The following CDK14 variants were observed in gnomAD, a reference collection of about 807,000 sequenced individuals.
The protein encoded by CDK14 is cyclin-dependent kinase 14.
CDK14 carries 34 observed loss-of-function variants against 60.7 expected under a neutral mutation model. The ratio of observed to expected loss-of-function variants is 0.56; its 90% CI spans 0.43 to 0.75. CDK14 has a LOEUF of 0.75. CDK14 is among the 30% of genes least tolerant of loss of function. The probability of loss-of-function intolerance (pLI) is 0.00; values close to 1 mark genes in which losing one functional copy is unlikely to be tolerated. For synonymous variants in CDK14, 197 were observed against 203.7 expected (o/e 0.97, Z 0.28); for missense variants, 482 against 564.1 (o/e 0.85, Z 1.47).
intron 4 of CDK14, among the ~76,000 whole-genome samples, chr7:90,764,469 C>G (rs1804459878): frequency 6.6e-6 from 1 of 152,194 alleles, no homozygotes; most frequent in Non-Finnish European, 1.5e-5. Flanking sequence ...CTATTTAGCA[C>G]TGGCTCATAC....
At chr7:90,804,554 A>T (rs992233734) in intron 5 of CDK14, among the ~76,000 whole-genome samples, 1 of 152,204 alleles carries the variant, frequency 6.6e-6, no homozygotes, top group African/African-American at 2.4e-5. Context: ...AAGTATGCTT[A>T]TGTAAATTGC....
chr7:90,963,117 G>T (rs1794652478), intron 9 of CDK14, among the ~76,000 whole-genome samples: 1 of 147,900 alleles, frequency 6.8e-6, no homozygotes. Context: ...GTGTGTGTGT[G>T]TGTGTGTTTT....
rs551906170 is a variant in CDK14, at chr7:90,693,602, G to A, written c.124-32965G>A. On this transcript the variant is annotated intron_variant, in intron 2 of 14. Coordinates refer to ENST00000380050, the MANE Select transcript of CDK14 (RefSeq NM_001287135.2). ...AGAAATTGAACTAATTTGTACTACC[G>A]AGTAACTGTGCTGTGTTGCTTCTTT... 1.7e-4 allele frequency among the ~76,000 whole-genome samples: 26 copies of A among 152,212 alleles called. 1 individual carries two copies. Among genetic ancestry groups the A allele is most frequent in the African/African-American group, 4.6e-4 (19 of 41,528 alleles).
intron 8 of CDK14, among the ~76,000 whole-genome samples, chr7:90,953,536 A>G (rs1794322228): frequency 6.6e-6 from 1 of 152,198 alleles, no homozygotes; most frequent in South Asian, 2.1e-4. Context: ...ATCTGAAATT[A>G]CATGTGGTTA....
chr7:90,654,544 T>C (rs1189372647), intron 2 of CDK14, among the ~76,000 whole-genome samples: 1 of 152,202 alleles, frequency 6.6e-6, no homozygotes, highest in Non-Finnish European at 1.5e-5. Flanking sequence ...ATCATTTCAC[T>C]AAAAAATAAG....
At chr7:91,083,142 C>T (rs1798529421) in intron 12 of CDK14, among the ~76,000 whole-genome samples, 1 of 151,474 alleles carries the variant, frequency 6.6e-6, no homozygotes, top group Non-Finnish European at 1.5e-5. Context: ...TGTTATAATT[C>T]TATTTACTTC....
intron 6 of CDK14, among the ~76,000 whole-genome samples, chr7:90,885,219 G>A (rs574486949): frequency 6.6e-6 from 1 of 152,088 alleles, no homozygotes; most frequent in South Asian, 2.1e-4. Flanking sequence ...GAATTTACAA[G>A]GAACATAAAC....
chr7:90,675,202 AT>A (rs893133143), intron 2 of CDK14, among the ~76,000 whole-genome samples: 10 of 150,896 alleles, frequency 6.6e-5, no homozygotes, highest in East Asian at 3.9e-4. Flanking sequence ...TATAGTAGGG[AT>A]TTTTTTTTCT....
intron 2 of CDK14, among the ~76,000 whole-genome samples, chr7:90,604,581 AG>A (rs1456515854): frequency 6.6e-6 from 1 of 152,144 alleles, no homozygotes; most frequent in Non-Finnish European, 1.5e-5. Context: ...GCTGTTGGTA[AG>A]TTGGGCACCA....
intron 14 of CDK14, among the ~76,000 whole-genome samples, chr7:91,162,023 G>A (rs1414805954): frequency 6.6e-6 from 1 of 152,080 alleles, no homozygotes; most frequent in Non-Finnish European, 1.5e-5. Flanking sequence ...TTGACACTTA[G>A]GCAAGAGTAA....
chr7:90,899,004 T>C (rs1288108236), intron 6 of CDK14, among the ~76,000 whole-genome samples: 1 of 151,944 alleles, frequency 6.6e-6, no homozygotes, highest in Non-Finnish European at 1.5e-5. Flanking sequence ...AGTATAAGGA[T>C]ATATTCAATG....
chr7:90,665,362 A>G (rs915197532), intron 2 of CDK14, among the ~76,000 whole-genome samples: 4 of 152,204 alleles, frequency 2.6e-5, no homozygotes, highest in African/African-American at 7.2e-5. Context: ...TTTGCCCTCT[A>G]TGGCAGGTAC....
intron 2 of CDK14, among the ~76,000 whole-genome samples, chr7:90,651,303 C>T (rs1288985946): frequency 6.6e-6 from 1 of 152,108 alleles, no homozygotes; most frequent in Non-Finnish European, 1.5e-5. Flanking sequence ...TGGCCCCTAA[C>T]CAAGATCTAA....
At chr7:90,619,327 A>G (rs924629070) in intron 2 of CDK14, among the ~76,000 whole-genome samples, 7 of 152,256 alleles carry the variant, frequency 4.6e-5, no homozygotes, top group African/African-American at 1.4e-4. Context: ...CAATTGACAC[A>G]TATGTAGGGG....
intron 3 of CDK14, among the ~76,000 whole-genome samples, chr7:90,729,360 T>TG (rs1295929518): frequency 1.5e-5 from 2 of 135,216 alleles, no homozygotes; most frequent in Non-Finnish European, 1.6e-5. Flanking sequence ...TTTTTTTTTT[T>TG]TTTTTTTTTT....
chr7:90,777,774 C>T (rs1408192912), intron 4 of CDK14, among the ~76,000 whole-genome samples: 1 of 152,204 alleles, frequency 6.6e-6, no homozygotes, highest in African/African-American at 2.4e-5. Context: ...TCCTCTGTGC[C>T]TCACATCACT....
In CDK14 at chr7:90,754,558, G is replaced by A. The variant is rs533541733; in HGVS notation, c.464+6783G>A. On this transcript the variant is annotated intron_variant, in intron 4 of 14. Transcript: ENST00000380050. The stretch of plus-strand genomic sequence containing the variant: ...AGAAAATTTAGGAAACATCGTCTGA[G>A]CATCGGCCTTTGGAAACGATTTATG... 3.9e-5 allele frequency among the ~76,000 whole-genome samples: 6 copies of A among 152,236 alleles called. No individual in the cohort carries two copies. The East Asian group carries it at 1.2e-3, about 29-fold the overall frequency.
At chr7:90,698,546 C>T (rs1801713362) in intron 2 of CDK14, among the ~76,000 whole-genome samples, 2 of 152,202 alleles carry the variant, frequency 1.3e-5, no homozygotes, top group African/African-American at 4.8e-5. Context: ...AAAGATGATG[C>T]CTCATAATTT....
intron 6 of CDK14, among the ~76,000 whole-genome samples, chr7:90,876,409 A>G (rs147510583): frequency 2.0e-5 from 3 of 152,342 alleles, no homozygotes; most frequent in Non-Finnish European, 2.9e-5. Flanking sequence ...AGTTATCTGT[A>G]TAAGCAGAGT....
Sources: gnomAD v4.1 joint callset for allele counts (sites outside exome capture counted in the v4.1 genomes callset) on GRCh38, gnomAD v4.1.1 for gene constraint, MANE v1.5 for transcripts, NCBI Gene and HGNC (gene_info 2026-07-23, HGNC 2026-07-21) for gene names.